Variants in MAP2 observed in about 807,000 individuals in gnomAD.
The protein encoded by MAP2 is microtubule associated protein 2.
A neutral mutation model predicts 137.6 loss-of-function variants in MAP2; 14 were observed. That is an observed-to-expected ratio of 0.10 (90% CI 0.07 to 0.16). The LOEUF (loss-of-function observed/expected upper bound fraction) is 0.16. Among genes scored for constraint, MAP2 ranks in the 10% least tolerant of loss-of-function variants. The pLI is 1.00. For missense variants in MAP2, 2,088 were observed against 2,191.5 expected (o/e 0.95, Z 0.94); for synonymous variants, 786 against 782.3 (o/e 1.00, Z -0.08).
intron 1 of MAP2, among the ~76,000 whole-genome samples, chr2:209,500,831 T>C (rs2150112498): frequency 6.6e-6 from 1 of 152,128 alleles, no homozygotes; most frequent in African/African-American, 2.4e-5. Context: ...GCCCGGGAGT[T>C]TGAGACCAGC....
intron 1 of MAP2, among the ~76,000 whole-genome samples, chr2:209,441,658 C>T (rs1013341413): frequency 6.6e-6 from 1 of 151,520 alleles, no homozygotes; most frequent in African/African-American, 2.4e-5. Flanking sequence ...AGGGAGATTT[C>T]CTTCTATGCA....
At chr2:209,482,678 T>C (rs1425375058) in intron 1 of MAP2, among the ~76,000 whole-genome samples, 1 of 152,174 alleles carries the variant, frequency 6.6e-6, no homozygotes, top group Non-Finnish European at 1.5e-5. Flanking sequence ...CCCATTCTAA[T>C]GATGAAAAAA....
intron 4 of MAP2, among the ~76,000 whole-genome samples, chr2:209,631,509 C>T (rs940658893): frequency 6.6e-6 from 1 of 151,852 alleles, no homozygotes; most frequent in African/African-American, 2.4e-5. Flanking sequence ...GGTGAATGGC[C>T]ATTTTCCCAC....
intron 2 of MAP2, among the ~76,000 whole-genome samples, chr2:209,574,056 T>G (rs555824815): frequency 3.0e-4 from 45 of 152,292 alleles, no homozygotes; most frequent in Non-Finnish European, 5.1e-4. Flanking sequence ...ATTGTATACA[T>G]TTATGGGGTA....
chr2:209,610,738 G>C (rs2086563931), intron 3 of MAP2, among the ~76,000 whole-genome samples: 1 of 151,888 alleles, frequency 6.6e-6, no homozygotes, highest in Admixed American at 6.6e-5. Context: ...ATATATAAAG[G>C]CCATATGTTT....
chr2:209,728,643 C>A (rs938638679), intron 14 of MAP2, among the ~76,000 whole-genome samples: 6 of 152,196 alleles, frequency 3.9e-5, no homozygotes, highest in African/African-American at 1.4e-4. Context: ...CCTTAACAAA[C>A]CTTCCTCTTT....
intron 1 of MAP2, among the ~76,000 whole-genome samples, chr2:209,495,442 C>T (rs2150045167): frequency 6.6e-6 from 1 of 152,374 alleles, no homozygotes; most frequent in African/African-American, 2.4e-5. Context: ...AGAGCTCCGG[C>T]TGGCATCTGG....
At chr2:209,510,833 G>C (rs554055186) in intron 2 of MAP2, among the ~76,000 whole-genome samples, 2 of 152,158 alleles carry the variant, frequency 1.3e-5, no homozygotes, top group Non-Finnish European at 2.9e-5. Context: ...TGCTGTTGAA[G>C]ACGGAATCAA....
intron 3 of MAP2, among the ~76,000 whole-genome samples, chr2:209,612,074 A>G (rs564356658): frequency 1.3e-5 from 2 of 152,278 alleles, no homozygotes; most frequent in South Asian, 4.1e-4. Flanking sequence ...CCCAAGAGAG[A>G]TGGCTCTGTG....
intron 2 of MAP2, among the ~76,000 whole-genome samples, chr2:209,566,681 A>G (rs184039438): frequency 2.0e-5 from 3 of 152,256 alleles, no homozygotes; most frequent in South Asian, 2.1e-4. Context: ...GTGCTATTTT[A>G]TCATCTTCAC....
In MAP2 at chr2:209,653,379, C is replaced by A. The variant is rs898572546; in HGVS notation, c.209C>A (p.Thr70Asn). ...GGGTCACAGGGCACCTATTCAAATA[C>A]CAAAGAGAATGGGATCAACGGAGAG... ...EHGSQGTYSN[T>N]KENGINGELT... Residue 70 changes from threonine (T) to asparagine (N), a missense_variant, in exon 5 of 16, where the codon ACC (threonine) becomes AAC (asparagine). Physicochemically the swap from Thr to Asn is moderately conservative, Grantham distance 65. Around this residue, in one of 6 missense-constraint regions of MAP2, gnomAD observed 859 missense variants for 794.5 expected, o/e 1.08. Transcript: ENST00000682079. 1 of 1,613,552 alleles carries A rather than the reference C, an allele frequency of 6.2e-7. No individual in the cohort carries two copies. Among genetic ancestry groups the A allele is most frequent in the African/African-American group, 1.3e-5 (1 of 74,884 alleles).
intron 1 of MAP2, among the ~76,000 whole-genome samples, chr2:209,468,716 TA>T (rs1559200933): frequency 6.6e-6 from 1 of 152,218 alleles, no homozygotes; most frequent in Non-Finnish European, 1.5e-5. Flanking sequence ...ATGATTCTTA[TA>T]TTTTTTGCAA....
chr2:209,612,545 G>A (rs1437440121), intron 3 of MAP2, among the ~76,000 whole-genome samples: 1 of 152,054 alleles, frequency 6.6e-6, no homozygotes, highest in African/African-American at 2.4e-5. Context: ...TTTTTTCTGG[G>A]CCTGTTGTAG....
chr2:209,660,809 C>T (rs983653705), intron 5 of MAP2, among the ~76,000 whole-genome samples: 1 of 149,316 alleles, frequency 6.7e-6, no homozygotes, highest in Non-Finnish European at 1.5e-5. Flanking sequence ...TCTCGGCTCA[C>T]TGCAAGCTCC....
intron 1 of MAP2, among the ~76,000 whole-genome samples, chr2:209,434,803 C>G: frequency 7.2e-6 from 1 of 139,730 alleles, no homozygotes; most frequent in South Asian, 2.3e-4. Flanking sequence ...GCCTGCATGA[C>G]AGAGCCAGAT....
At chr2:209,501,840 G>T (rs1043307359) in intron 1 of MAP2, among the ~76,000 whole-genome samples, 1 of 152,072 alleles carries the variant, frequency 6.6e-6, no homozygotes, top group Non-Finnish European at 1.5e-5. Context: ...TCCGCTCCTG[G>T]CACTGCAAAT....
chr2:209,556,662 TAAAAA>T (rs111264428), intron 2 of MAP2, among the ~76,000 whole-genome samples: 2,526 of 108,466 alleles, frequency 0.023, 78 homozygotes, highest in African/African-American at 0.079. Flanking sequence ...TCTGGCCTAT[TAAAAA>T]AAAAAAAAAA....
At chr2:209,456,085 A>G (rs1220110911) in intron 1 of MAP2, among the ~76,000 whole-genome samples, 1 of 152,204 alleles carries the variant, frequency 6.6e-6, no homozygotes, top group Non-Finnish European at 1.5e-5. Flanking sequence ...ACTATCACTC[A>G]TACTCCCTGG....
At chr2:209,683,735 T>C (rs2153694836) in intron 7 of MAP2, among the ~76,000 whole-genome samples, 1 of 152,320 alleles carries the variant, frequency 6.6e-6, no homozygotes, top group East Asian at 1.9e-4. Context: ...TTTACCCTCC[T>C]TGATACCCTC....
Sources: allele counts gnomAD v4.1 joint callset (sites outside exome capture counted in the v4.1 genomes callset), GRCh38; gene constraint gnomAD v4.1.1; regional missense constraint gnomAD v4.1.1; transcripts MANE v1.5; gene names NCBI Gene and HGNC (gene_info 2026-07-23, HGNC 2026-07-21).